The following CORO2B variants were observed in gnomAD, a reference collection of about 807,000 sequenced individuals.
CORO2B encodes the protein coronin 2B.
Under a neutral mutation model 58.8 loss-of-function variants are expected in CORO2B, and 26 were observed. That is an observed-to-expected ratio of 0.44 (90% CI 0.32 to 0.61). The LOEUF is 0.61. CORO2B is among the 20% of genes least tolerant of loss of function. The pLI is 0.04. For synonymous variants in CORO2B, 242 were observed against 253.8 expected, an observed-to-expected ratio of 0.95 and a Z score of 0.44; for missense variants, 460 against 645.1, an observed-to-expected ratio of 0.71 and a Z score of 3.11.
chr15:68,629,723 A>AT (rs1595977780), intron 1 of CORO2B, among the ~76,000 whole-genome samples: 2 of 152,104 alleles, frequency 1.3e-5, no homozygotes, highest in African/African-American at 4.8e-5. Context: ...GATCAGGAGG[A>AT]CTTGGACGAG....
intron 1 of CORO2B, among the ~76,000 whole-genome samples, chr15:68,628,036 A>G (rs113714174): frequency 6.6e-6 from 1 of 152,134 alleles, no homozygotes. Context: ...CCACCACCCA[A>G]ACCAGCAACA....
chr15:68,678,558 C>T (rs1902663844), intron 2 of CORO2B, among the ~76,000 whole-genome samples: 1 of 152,124 alleles, frequency 6.6e-6, no homozygotes, highest in African/African-American at 2.4e-5. Context: ...CCTGTTATCC[C>T]AGCTACTCAG....
At chr15:68,534,906 A>G in the CORO2B span, among the ~76,000 whole-genome samples, 15 of 152,330 alleles carry the variant, frequency 9.8e-5, no homozygotes, top group African/African-American at 3.6e-4. Context: ...ACCATGCAAA[A>G]GGGGTTTCCC....
In CORO2B at chr15:68,602,407, TCACACACA is replaced by T. The variant is rs370587519; in HGVS notation, c.15+23166_15+23173del. Among the ~76,000 whole-genome samples, 886 of 139,054 alleles carry T rather than the reference TCACACACA, an allele frequency of 6.4e-3. 7 individuals carry two copies. The highest frequency in any genetic ancestry group is 0.016 in the African/African-American group (600 of 37,646). The allele number at this position is 139,054 out of a possible 152,430, so 91.2% of individuals were successfully genotyped here. The stretch of plus-strand genomic sequence containing the variant: ...TGGTCCTGCCCAAATTAGGGGCTGA[TCACACACA>T]CACACACACACACACACACACACAC... On this transcript the variant is annotated intron_variant, in intron 1 of 11. Coordinates refer to ENST00000261861, the MANE Select transcript of CORO2B (RefSeq NM_006091.5).
At chr15:68,658,908 G>A (rs1168714563) in intron 2 of CORO2B, among the ~76,000 whole-genome samples, 2 of 152,214 alleles carry the variant, frequency 1.3e-5, no homozygotes, top group Admixed American at 6.5e-5. Context: ...AGGCACAGGC[G>A]GCTTTGCAGC....
chr15:68,566,619 A>T, the CORO2B span, among the ~76,000 whole-genome samples: 1 of 151,402 alleles, frequency 6.6e-6, no homozygotes, highest in African/African-American at 2.4e-5. Flanking sequence ...CACACCCCTC[A>T]CTCTGCCCCA....
At chr15:68,564,464 C>T in the CORO2B span, among the ~76,000 whole-genome samples, 10 of 152,104 alleles carry the variant, frequency 6.6e-5, no homozygotes, top group South Asian at 8.3e-4. Flanking sequence ...CCACTACAAC[C>T]GGCTAATTTA....
intron 1 of CORO2B, among the ~76,000 whole-genome samples, chr15:68,589,403 A>C (rs1899644382): frequency 6.6e-6 from 1 of 152,234 alleles, no homozygotes; most frequent in Non-Finnish European, 1.5e-5. Context: ...GACATATAAG[A>C]TTTGGCAGGA....
the CORO2B span, among the ~76,000 whole-genome samples, chr15:68,523,748 G>C: frequency 1.3e-5 from 2 of 152,102 alleles, no homozygotes; most frequent in African/African-American, 4.8e-5. Context: ...AGCTCTGCTG[G>C]CTTCTCTGCT....
the CORO2B span, among the ~76,000 whole-genome samples, chr15:68,534,133 A>G: frequency 1.3e-5 from 2 of 152,206 alleles, no homozygotes; most frequent in Non-Finnish European, 2.9e-5. Context: ...ACCTCTGCCA[A>G]AACCACCCCA....
At position 68,631,952 on chromosome 15, in the gene CORO2B, G is replaced by A. The variant is rs1310445750; in HGVS notation, c.16-13208G>A. 7 of 985,384 alleles carry A rather than the reference G, an allele frequency of 7.1e-6. No individual in the cohort carries two copies. The Admixed American group carries it at 3.7e-4, about 52-fold the overall frequency. 61.0% of individuals were successfully genotyped at this position (985,384 alleles called of 1,614,324 possible). A position where few individuals can be genotyped will look rare whatever the true frequency, so the allele number is the denominator to read the frequency against. Reference sequence around the variant, plus strand: ...AGGGAGGGCCACATGCCATCCCTCAGCATCGCTGGAGTGGGCTCTCTCTTG... The same window carrying A: ...AGGGAGGGCCACATGCCATCCCTCAACATCGCTGGAGTGGGCTCTCTCTTG... On this transcript the variant is annotated intron_variant, in intron 1 of 11. Transcript: ENST00000261861.
At position 68,714,748 on chromosome 15, in the gene CORO2B, A is replaced by G. The variant is rs1395314253; in HGVS notation, c.870+85A>G. The G allele has an allele frequency of 2.9e-6, 3 of 1,030,360 alleles. No individual in the cohort carries two copies. In the African/African-American group the frequency reaches 4.7e-5, roughly 16 times the overall value. 63.8% of individuals were successfully genotyped at this position (1,030,360 alleles called of 1,614,324 possible). A position where few individuals can be genotyped will look rare whatever the true frequency, so the allele number is the denominator to read the frequency against. ...CCCCTGCACCTGCCCCACCCCCTGG[A>G]GAGTAGCCAGCCTAACCTTCCAAGT... On this transcript the variant is annotated intron_variant, in intron 7 of 11. Coordinates refer to ENST00000261861, the MANE Select transcript of CORO2B (RefSeq NM_006091.5).
chr15:68,606,234 G>A (rs1186555922), intron 1 of CORO2B, among the ~76,000 whole-genome samples: 2 of 152,164 alleles, frequency 1.3e-5, no homozygotes, highest in South Asian at 4.1e-4. Flanking sequence ...CCATCAGCCT[G>A]TAGATAGTGT....
In CORO2B at chr15:68,704,073, CACACACAA is replaced by C. The variant is rs1358657454; in HGVS notation, c.334-6657_334-6650del. Among the ~76,000 whole-genome samples, 58 of 147,884 alleles carry C rather than the reference CACACACAA, an allele frequency of 3.9e-4. 1 individual carries two copies. The highest frequency in any genetic ancestry group is 1.5e-3 in the African/African-American group (58 of 38,298). ...ACACACACACACACACACACACACA[CACACACAA>C]ATACAAATATTAGCTGGTCATGGTG... On this transcript the variant is annotated intron_variant, in intron 3 of 11. Transcript: ENST00000261861.
intron 2 of CORO2B, among the ~76,000 whole-genome samples, chr15:68,692,585 A>G (rs1892406081): frequency 9.8e-6 from 1 of 102,460 alleles, no homozygotes; most frequent in Admixed American, 1.1e-4. Flanking sequence ...ACTCTGTCTC[A>G]AAAGCAAATA....
At chr15:68,568,668 T>A in the CORO2B span, among the ~76,000 whole-genome samples, 1 of 152,184 alleles carries the variant, frequency 6.6e-6, no homozygotes, top group East Asian at 1.9e-4. Context: ...TACCGCAGCC[T>A]GAGACTTGAG....
chr15:68,651,787 C>T (rs1901650439), intron 2 of CORO2B, among the ~76,000 whole-genome samples: 1 of 152,172 alleles, frequency 6.6e-6, no homozygotes, highest in Non-Finnish European at 1.5e-5. Flanking sequence ...ATCCCTGCCC[C>T]GAGGCCACAC....
At chr15:68,616,068 C>G (rs1015133898) in intron 1 of CORO2B, among the ~76,000 whole-genome samples, 5 of 152,126 alleles carry the variant, frequency 3.3e-5, no homozygotes, top group Admixed American at 2.6e-4. Context: ...CAACATGAAG[C>G]CTTTTCTCTG....
At chr15:68,563,152 A>G in the CORO2B span, among the ~76,000 whole-genome samples, 1 of 151,764 alleles carries the variant, frequency 6.6e-6, no homozygotes, top group African/African-American at 2.4e-5. Context: ...AAGAAGAGCA[A>G]ACTAAACCCA....
Sources: gnomAD v4.1 joint callset for allele counts (sites outside exome capture counted in the v4.1 genomes callset) on GRCh38, gnomAD v4.1.1 for gene constraint, MANE v1.5 for transcripts, NCBI Gene and HGNC (gene_info 2026-07-23, HGNC 2026-07-21) for gene names.